COL5A2: variants seen among roughly 807,000 people sequenced by gnomAD.
COL5A2 encodes collagen alpha-2(V) chain.
In COL5A2, 23 loss-of-function variants were observed where a neutral mutation model predicts 208.2. That is an observed-to-expected ratio of 0.11 (90% CI 0.08 to 0.16). The LOEUF is 0.16. Among genes scored for constraint, COL5A2 ranks in the 10% least tolerant of loss-of-function variants. The pLI is 1.00. For synonymous variants in COL5A2, 625 were observed against 628.5 expected, an observed-to-expected ratio of 0.99 and a Z score of 0.08; for missense variants, 1,590 against 1,956.4, an observed-to-expected ratio of 0.81 and a Z score of 3.53.
At chr2:189,249,785 C>G in the COL5A2 span, among the ~76,000 whole-genome samples, 1 of 150,776 alleles carries the variant, frequency 6.6e-6, no homozygotes. Context: ...CAACCTCCAC[C>G]TCCTGGATTC....
At chr2:189,223,184 C>A (rs1350458378) in intron 1 of COL5A2, among the ~76,000 whole-genome samples, 1 of 152,090 alleles carries the variant, frequency 6.6e-6, no homozygotes, top group Non-Finnish European at 1.5e-5. Flanking sequence ...AAAATCTCCA[C>A]CAAAATAATT....
At chr2:189,384,923 AAT>A in the COL5A2 span, among the ~76,000 whole-genome samples, 4 of 152,290 alleles carry the variant, frequency 2.6e-5, no homozygotes, top group East Asian at 7.7e-4. Context: ...GAAATGTCTA[AAT>A]TCATATTAAA....
the COL5A2 span, among the ~76,000 whole-genome samples, chr2:189,408,130 A>C: frequency 6.6e-6 from 1 of 152,330 alleles, no homozygotes; most frequent in Non-Finnish European, 1.5e-5. Flanking sequence ...CTGGGGCTGC[A>C]AAGAAATTGT....
Position 189,072,032 on chromosome 2 carries a change from C to T in COL5A2, c.1158+8G>A, listed in dbSNP as rs1277671235. On this transcript the variant is annotated splice_region_variant and intron_variant, in intron 18 of 53. Transcript: ENST00000374866. ...GTTAAATACTGTATATTAACATTAA[C>T]ATCTTACCTTCATTCCAGGATTTCC... The T allele has an allele frequency of 5.7e-6, 9 of 1,580,760 alleles. No individual in the cohort carries two copies. The highest frequency in any genetic ancestry group is 1.7e-5 in the Admixed American group (1 of 59,170).
intron 13 of COL5A2, among the ~76,000 whole-genome samples, chr2:189,080,500 T>C (rs530612814): frequency 6.7e-6 from 1 of 148,762 alleles, no homozygotes; most frequent in African/African-American, 2.5e-5. Context: ...TTATGATAGT[T>C]AGATAGATGA....
the COL5A2 span, among the ~76,000 whole-genome samples, chr2:189,406,235 T>G: frequency 6.6e-6 from 1 of 152,200 alleles, no homozygotes; most frequent in Non-Finnish European, 1.5e-5. Context: ...ATTTTAGTTT[T>G]TATACTATAC....
chr2:189,207,641 C>T (rs1689158129), intron 1 of COL5A2, among the ~76,000 whole-genome samples: 1 of 152,126 alleles, frequency 6.6e-6, no homozygotes, highest in African/African-American at 2.4e-5. Flanking sequence ...CTTCTTCTAG[C>T]CAAATTTCTC....
chr2:189,432,170 C>T, the COL5A2 span, among the ~76,000 whole-genome samples: 4 of 152,150 alleles, frequency 2.6e-5, no homozygotes, highest in Admixed American at 2.6e-4. Flanking sequence ...CACCACCAGG[C>T]CTGCCCTACA....
At chr2:189,058,755 G>C (rs1685957438) in intron 32 of COL5A2, 94 bp downstream of exon 32, 1 of 1,203,844 alleles carries the variant, frequency 8.3e-7, no homozygotes, top group African/African-American at 1.5e-5. Context: ...GAATTTATAG[G>C]TTAAAATAAA....
the COL5A2 span, among the ~76,000 whole-genome samples, chr2:189,337,441 C>G: frequency 6.6e-6 from 1 of 152,058 alleles, no homozygotes; most frequent in East Asian, 1.9e-4. Context: ...CTCGGCCTCC[C>G]AAAGTGCTGG....
rs1211033900 is a variant in COL5A2 at position 189,093,140 on chromosome 2, C to T, written c.457-720G>A. Among the ~76,000 whole-genome samples, 3 of 152,296 alleles carry T rather than the reference C, an allele frequency of 2.0e-5. No individual in the cohort carries two copies. In the South Asian group the frequency reaches 6.2e-4, roughly 32 times the overall value. On this transcript the variant is annotated intron_variant, in intron 6 of 53. Transcript: ENST00000374866. Reference sequence around the variant, plus strand: ...AATGATTTCTAGCTGCCAAATTCCACCCTTCTCCTAACCCACATTCTGAAG... The same window carrying T: ...AATGATTTCTAGCTGCCAAATTCCATCCTTCTCCTAACCCACATTCTGAAG...
chr2:189,293,346 C>T, the COL5A2 span, among the ~76,000 whole-genome samples: 1 of 152,156 alleles, frequency 6.6e-6, no homozygotes, highest in East Asian at 1.9e-4. Context: ...GAGCAATTCT[C>T]AACCGGTGAC....
chr2:189,253,759 C>T, the COL5A2 span, among the ~76,000 whole-genome samples: 1 of 152,258 alleles, frequency 6.6e-6, no homozygotes, highest in African/African-American at 2.4e-5. Flanking sequence ...ATGTTTTTTT[C>T]ACCCTCTGAA....
At chr2:189,060,625 A>C in intron 31 of COL5A2, 105 bp downstream of exon 31, 1 of 961,042 alleles carries the variant, frequency 1.0e-6, no homozygotes. Context: ...GAGAACTCAA[A>C]GAGATAATGT....
intron 1 of COL5A2, among the ~76,000 whole-genome samples, chr2:189,223,611 TATAGTCATACAGCA>T (rs1055451402): frequency 6.6e-6 from 1 of 152,196 alleles, no homozygotes; most frequent in Non-Finnish European, 1.5e-5. Flanking sequence ...AATTTGTGGT[TATAGTCATACAGCA>T]ATAAAAATGA....
chr2:189,353,975 T>C, the COL5A2 span, among the ~76,000 whole-genome samples: 5 of 152,220 alleles, frequency 3.3e-5, no homozygotes, highest in African/African-American at 1.2e-4. Context: ...ACCTAGTTTA[T>C]TGACAGTTCT....
the COL5A2 span, among the ~76,000 whole-genome samples, chr2:189,421,622 C>T: frequency 1.3e-5 from 2 of 152,096 alleles, no homozygotes; most frequent in African/African-American, 4.8e-5. Flanking sequence ...CACAGACCCC[C>T]ACAGCCCCTG....
At chr2:189,069,154 G>T (rs1686217191) in intron 18 of COL5A2, among the ~76,000 whole-genome samples, 1 of 152,078 alleles carries the variant, frequency 6.6e-6, no homozygotes, top group African/African-American at 2.4e-5. Context: ...GTTAGCTTAA[G>T]TTCCCTCTCC....
chr2:189,062,692 A>C (rs888591631), intron 29 of COL5A2, among the ~76,000 whole-genome samples, 173 bp downstream of exon 29: 1 of 152,180 alleles, frequency 6.6e-6, no homozygotes, highest in African/African-American at 2.4e-5. Context: ...AAAAAGGCAG[A>C]AGACATTATC....
Sources: gnomAD v4.1 joint callset for allele counts (sites outside exome capture counted in the v4.1 genomes callset) on GRCh38, gnomAD v4.1.1 for gene constraint, MANE v1.5 for transcripts, NCBI Gene and HGNC (gene_info 2026-07-23, HGNC 2026-07-21) for gene names.